Variants in UPF3A observed in about 807,000 individuals in gnomAD.
UPF3A encodes the protein regulator of nonsense transcripts 3A.
A neutral mutation model predicts 53.5 loss-of-function variants in UPF3A; 42 were observed. The ratio of observed to expected loss-of-function variants is 0.78; its 90% confidence interval spans 0.61 to 1.01. The LOEUF (loss-of-function observed/expected upper bound fraction) is 1.01, where lower values mean the gene tolerates loss of function less well. Among genes scored for constraint, UPF3A ranks in the 50% least tolerant of loss-of-function variants. The pLI, the probability that UPF3A is intolerant of heterozygous loss-of-function variation, is 0.00. For missense variants in UPF3A, 575 were observed against 598.0 expected (o/e 0.96, Z 0.40); for synonymous variants, 237 against 225.3 (o/e 1.05, Z -0.47).
chr13:114,282,138 C>T lies in UPF3A; in HGVS notation c.314+11C>T, dbSNP rs1323764714. 1.3e-6 allele frequency: 2 copies of T among 1,545,000 alleles called. No individual in the cohort carries two copies. The highest frequency in any genetic ancestry group is 1.7e-6 in the Non-Finnish European group (2 of 1,144,144). ...CGCCGCCGACCTGAGGTGAGGCCCG[C>T]CCCGAGGGGAGGAAGAGAGGGCGGA... On this transcript the variant is annotated intron_variant, in intron 2 of 9. Coordinates refer to ENST00000375299, the MANE Select transcript of UPF3A (RefSeq NM_023011.4).
chr13:114,282,461 G>C (rs1022890031), intron 2 of UPF3A: 1 of 985,258 alleles, frequency 1.0e-6, no homozygotes, highest in African/African-American at 1.7e-5. Flanking sequence ...GGGCCGGGGG[G>C]CGCCGGCTCT....
At chr13:114,283,758 T>C in intron 3 of UPF3A, 2 of 985,534 alleles carry the variant, frequency 2.0e-6, no homozygotes, top group Non-Finnish European at 2.4e-6. Context: ...GGTTCTGCTT[T>C]CATCTTTTTC....
intron 7 of UPF3A, among the ~76,000 whole-genome samples, chr13:114,294,511 A>C (rs2085640293): frequency 6.6e-6 from 1 of 152,158 alleles, no homozygotes; most frequent in Admixed American, 6.5e-5. Context: ...TGATCCTCCC[A>C]CTGCTGGGGT....
At chr13:114,282,232 A>G (rs2084149499) in intron 2 of UPF3A, 105 bp downstream of exon 2, 1 of 953,268 alleles carries the variant, frequency 1.0e-6, no homozygotes, top group Non-Finnish European at 1.5e-6. Context: ...CCTATATGGG[A>G]GTCGTGTGAG....
intron 3 of UPF3A, among the ~76,000 whole-genome samples, chr13:114,284,534 TAAAAAA>T (rs535271853): frequency 7.9e-6 from 1 of 126,536 alleles, no homozygotes; most frequent in African/African-American, 2.9e-5. Context: ...CTGTCTCTAC[TAAAAAA>T]AAAAAAAAAT....
At chr13:114,302,109 C>G in intron 9 of UPF3A, 84 bp downstream of exon 9, 1 of 1,344,504 alleles carries the variant, frequency 7.4e-7, no homozygotes. Context: ...CCCACTTGGC[C>G]TTGTGTCTTG....
chr13:114,286,368 A>T lies in UPF3A; in HGVS notation c.488A>T (p.Lys163Ile). The T allele has an allele frequency of 6.2e-7, 1 of 1,614,266 alleles. No individual in the cohort carries two copies. Among genetic ancestry groups the T allele is most frequent in the African/African-American group, 1.3e-5 (1 of 75,080 alleles). Residue 163 changes from lysine (K) to isoleucine (I), a missense_variant, in exon 4 of 10, where the codon AAA becomes ATA. Around this residue, in one of 2 missense-constraint regions of UPF3A, gnomAD observed 323 missense variants for 415.2 expected, o/e 0.78. Transcript: ENST00000375299. ...FQKIAKKKLR[K>I]KDAKTGSIED... ...AAGATAGCCAAAAAGAAGCTGAGAA[A>T]AAAAGATGCCAAGACTGGAAGCATC...
intron 7 of UPF3A, among the ~76,000 whole-genome samples, chr13:114,295,441 G>T (rs939731819): frequency 2.1e-5 from 1 of 47,356 alleles, no homozygotes; most frequent in African/African-American, 9.1e-5. Flanking sequence ...CTGGCCTGCT[G>T]GTTTCTCATG....
intron 5 of UPF3A, among the ~76,000 whole-genome samples, chr13:114,290,734 CTTTTT>C (rs112441605): frequency 7.2e-6 from 1 of 138,408 alleles, no homozygotes. Flanking sequence ...TCTTTTTTTT[CTTTTT>C]TTTTTTTTTT....
intron 9 of UPF3A, 25 bp downstream of exon 9, chr13:114,302,050 A>C (rs1463477391): frequency 6.7e-7 from 1 of 1,501,028 alleles, no homozygotes; most frequent in Non-Finnish European, 8.9e-7. Flanking sequence ...CAAAAAGAAA[A>C]ATGTGTCTGG....
chr13:114,300,853 G>T (rs1451063373), intron 8 of UPF3A, among the ~76,000 whole-genome samples: 8 of 151,110 alleles, frequency 5.3e-5, no homozygotes, highest in African/African-American at 1.9e-4. Flanking sequence ...TTTTGTATTT[G>T]TAGTAGAGAC....
intron 7 of UPF3A, among the ~76,000 whole-genome samples, chr13:114,296,971 G>A (rs2086102879): frequency 6.6e-6 from 1 of 152,144 alleles, no homozygotes; most frequent in African/African-American, 2.4e-5. Flanking sequence ...TTACCAGAAA[G>A]GAAATGTTTA....
Position 114,298,987 on chromosome 13 carries a change from G to A in UPF3A, c.994G>A (p.Glu332Lys). ...CAGGCCCATGGAAGGCTCGCTGGAG[G>A]AGCCCCAGGAGACGTGAGCGTGCTT... ...KARPMEGSLEEPQETSHSGSD... is the reference protein window; with the variant it reads ...KARPMEGSLEKPQETSHSGSD... The change falls in exon 8 of 10, where the codon GAG becomes AAG. Residue 332 changes from glutamate to lysine, a missense_variant. By Grantham distance (56) the Glu-to-Lys change is moderately conservative. Around this residue, in one of 2 missense-constraint regions of UPF3A, gnomAD observed 323 missense variants for 415.2 expected, o/e 0.78. Coordinates refer to ENST00000375299, the MANE Select transcript of UPF3A (RefSeq NM_023011.4). 1 of 1,598,618 alleles carries A rather than the reference G, an allele frequency of 6.3e-7. No individual in the cohort carries two copies. Among genetic ancestry groups the A allele is most frequent in the Middle Eastern group, 1.7e-4 (1 of 5,974 alleles).
At chr13:114,292,668 C>T (rs1298308055) in intron 7 of UPF3A, among the ~76,000 whole-genome samples, 1 of 151,896 alleles carries the variant, frequency 6.6e-6, no homozygotes, top group Non-Finnish European at 1.5e-5. Context: ...CGTACACGTG[C>T]AGGTGTGTCA....
chr13:114,291,641 G>A lies in UPF3A; in HGVS notation c.695G>A (p.Arg232Gln), dbSNP rs751840581. The A allele has an allele frequency of 1.2e-5, 19 of 1,603,178 alleles. No homozygotes were observed. Among genetic ancestry groups the A allele is most frequent in the African/African-American group, 4.1e-5 (3 of 73,890 alleles). Residue 232 changes from arginine to glutamine, a missense_variant, in exon 7 of 10, where the codon CGA becomes CAA. This residue lies in a region of UPF3A where 323 missense variants were observed against 415.2 expected (regional missense o/e 0.78). Coordinates refer to ENST00000375299, the MANE Select transcript of UPF3A (RefSeq NM_023011.4). ...KNRKLEKQRI[R>Q]EEKREERRRR... Reference sequence around the variant, plus strand: ...GCTCTTCCATGTCTTTAGAGAATTCGAGAAGAGAAGCGAGAAGAACGGAGG... The same window carrying A: ...GCTCTTCCATGTCTTTAGAGAATTCAAGAAGAGAAGCGAGAAGAACGGAGG...
Position 114,281,743 on chromosome 13 carries a change from G to A in UPF3A, c.104G>A (p.Arg35His). ...KLSALEVQFH[R>H]DSQQQEAETP... Reference sequence around the variant, plus strand: ...TCGGCCCTAGAAGTGCAGTTCCACCGCGACTCGCAGCAGCAGGAGGCTGAG... The same window carrying A: ...TCGGCCCTAGAAGTGCAGTTCCACCACGACTCGCAGCAGCAGGAGGCTGAG... Residue 35 changes from arginine to histidine, a missense_variant, in exon 1 of 10, where the codon CGC becomes CAC. Physicochemically the swap from Arg to His is conservative, Grantham distance 29. Around this residue, in one of 2 missense-constraint regions of UPF3A, gnomAD observed 252 missense variants for 182.7 expected, o/e 1.38. Transcript: ENST00000375299. 6.4e-7 allele frequency: 1 copy of A among 1,557,456 alleles called. No homozygotes were observed. Among genetic ancestry groups the A allele is most frequent in the Non-Finnish European group, 8.7e-7 (1 of 1,151,622 alleles).
chr13:114,301,596 C>T, intron 8 of UPF3A, 135 bp from the exon 9 acceptor site: 2 of 728,582 alleles, frequency 2.7e-6, no homozygotes, highest in Admixed American at 5.8e-5. Flanking sequence ...GTGCCCATCG[C>T]AGTGCAGCCT....
At chr13:114,289,812 T>C (rs1202136645) in intron 5 of UPF3A, among the ~76,000 whole-genome samples, 1 of 152,204 alleles carries the variant, frequency 6.6e-6, no homozygotes, top group Non-Finnish European at 1.5e-5. Context: ...TAACATACTT[T>C]TATGATGTGT....
intron 7 of UPF3A, among the ~76,000 whole-genome samples, chr13:114,293,767 G>T (rs1275978997): frequency 1.3e-5 from 2 of 152,172 alleles, no homozygotes; most frequent in African/African-American, 4.8e-5. Flanking sequence ...GATAGCTTAG[G>T]AAAGGGTGGG....
Sources: allele counts gnomAD v4.1 joint callset (sites outside exome capture counted in the v4.1 genomes callset), GRCh38; gene constraint gnomAD v4.1.1; regional missense constraint gnomAD v4.1.1; transcripts MANE v1.5; gene names NCBI Gene and HGNC (gene_info 2026-07-23, HGNC 2026-07-21).